Variants in FREM1 observed in about 807,000 individuals in gnomAD.
FREM1 encodes the protein FRAS1 related extracellular matrix 1.
In FREM1, 220 loss-of-function variants were observed where a neutral mutation model predicts 210.1. The ratio of observed to expected loss-of-function variants is 1.05; its 90% CI spans 0.94 to 1.17. The LOEUF is 1.17. Ranked by LOEUF, FREM1 falls within the 50% of genes most tolerant of loss-of-function variation. The probability of loss-of-function intolerance (pLI) is 0.00; values close to 1 mark genes in which losing one functional copy is unlikely to be tolerated. For synonymous variants in FREM1, 1,189 were observed against 980.2 expected, an observed-to-expected ratio of 1.21 and a Z score of -3.98; for missense variants, 3,454 against 2,675.5, an observed-to-expected ratio of 1.29 and a Z score of -6.42.
intron 24 of FREM1, 151 bp downstream of exon 24, chr9:14,784,219 A>T: frequency 3.1e-6 from 2 of 635,894 alleles, no homozygotes; most frequent in Non-Finnish European, 4.7e-6. Context: ...TAAAAAACAA[A>T]TTTCATTCTA....
intron 24 of FREM1, among the ~76,000 whole-genome samples, chr9:14,778,239 T>C (rs1848957534): frequency 6.6e-6 from 1 of 151,996 alleles, no homozygotes; most frequent in South Asian, 2.1e-4. Context: ...ATTAAACCTT[T>C]GATAAGTATA....
rs896321503 is a variant in FREM1 at position 14,909,937 on chromosome 9, A to G, written c.-291T>C. 6.6e-6 allele frequency: 1 copy of G among 152,242 alleles called. No individual in the cohort carries two copies. The highest frequency in any genetic ancestry group is 1.5e-5 in the Non-Finnish European group (1 of 68,046). The allele number at this position is 152,242 out of a possible 1,614,324, so 9.4% of individuals were successfully genotyped here. A position where few individuals can be genotyped will look rare whatever the true frequency, so the allele number is the denominator to read the frequency against. ...ACAGGTAGTGGTTTTCCTTTCCAAG[A>G]CAAAAAGTTAGAAACCCTTGGAACT... On this transcript the variant is annotated 5_prime_UTR_variant, in exon 1 of 37. Coordinates refer to ENST00000380880, the MANE Select transcript of FREM1 (RefSeq NM_001379081.2).
chr9:14,755,700 T>C (rs1280349737), intron 29 of FREM1, among the ~76,000 whole-genome samples: 1 of 152,240 alleles, frequency 6.6e-6, no homozygotes, highest in Non-Finnish European at 1.5e-5. Context: ...ATCTAAATGC[T>C]AAAATACTGC....
intron 15 of FREM1, among the ~76,000 whole-genome samples, chr9:14,814,240 T>C (rs1174062382): frequency 6.6e-6 from 1 of 152,208 alleles, no homozygotes; most frequent in Non-Finnish European, 1.5e-5. Flanking sequence ...TATAGAACCA[T>C]CTAAATTTTA....
At chr9:14,825,195 T>G (rs7042277) in intron 10 of FREM1, among the ~76,000 whole-genome samples, 6 of 152,020 alleles carry the variant, frequency 3.9e-5, no homozygotes, top group Non-Finnish European at 7.4e-5. Flanking sequence ...TTTAAGAATA[T>G]TATTATCACA....
At chr9:14,792,272 GCA>G (rs34037291) in intron 22 of FREM1, among the ~76,000 whole-genome samples, 26,550 of 142,190 alleles carry the variant, frequency 0.19, 2,800 homozygotes, top group South Asian at 0.34. Flanking sequence ...ACACACACAC[GCA>G]CACACACACA....
intron 19 of FREM1, among the ~76,000 whole-genome samples, chr9:14,803,346 T>G (rs1404796604): frequency 9.4e-6 from 1 of 106,044 alleles, no homozygotes; most frequent in African/African-American, 3.6e-5. Flanking sequence ...TCCTCCTTCC[T>G]TCCTTTCTTC....
At chr9:14,771,939 T>G (rs1847642285) in intron 25 of FREM1, among the ~76,000 whole-genome samples, 1 of 151,998 alleles carries the variant, frequency 6.6e-6, no homozygotes, top group Admixed American at 6.6e-5. Context: ...AAATATATAT[T>G]TATCTATACA....
At chr9:14,883,539 G>A (rs150572477) in intron 1 of FREM1, among the ~76,000 whole-genome samples, 2 of 152,190 alleles carry the variant, frequency 1.3e-5, no homozygotes, top group African/African-American at 2.4e-5. Flanking sequence ...GAATTCAGAC[G>A]AGCAGACCGA....
intron 1 of FREM1, among the ~76,000 whole-genome samples, chr9:14,871,354 G>A (rs1832637097): frequency 6.6e-6 from 1 of 152,284 alleles, no homozygotes; most frequent in Non-Finnish European, 1.5e-5. Context: ...ATTCTAACTG[G>A]TGTGAGATGG....
At chr9:14,767,648 A>T (rs1846677409) in intron 27 of FREM1, among the ~76,000 whole-genome samples, 1 of 152,204 alleles carries the variant, frequency 6.6e-6, no homozygotes, top group African/African-American at 2.4e-5. Context: ...TGGGAAGATG[A>T]ACCACTATTC....
At chr9:14,757,043 C>G (rs947356708) in intron 28 of FREM1, among the ~76,000 whole-genome samples, 1 of 150,258 alleles carries the variant, frequency 6.7e-6, no homozygotes, top group Non-Finnish European at 1.5e-5. Context: ...GGTGAACAAC[C>G]AGACAAAGGA....
At position 14,861,110 on chromosome 9, in the gene FREM1, C is replaced by CAT. The variant is rs375611094; in HGVS notation, c.330-1628_330-1627dup. Among the ~76,000 whole-genome samples the CAT allele has an allele frequency of 1.4e-3, 115 of 79,562 alleles. 4 individuals carry two copies. The highest frequency in any genetic ancestry group is 6.4e-3 in the East Asian group (7 of 1,096). The allele number at this position is 79,562 out of a possible 152,430, so 52.2% of individuals were successfully genotyped here. A position where few individuals can be genotyped will look rare whatever the true frequency, so the allele number is the denominator to read the frequency against. On this transcript the variant is annotated intron_variant, in intron 3 of 36. Transcript: ENST00000380880. ...ACACATATATATAAACATATATACA[C>CAT]ATATATATACATATATACACATATA...
intron 17 of FREM1, 89 bp from the exon 18 acceptor site, chr9:14,806,935 T>C: frequency 1.4e-6 from 1 of 720,828 alleles, no homozygotes; most frequent in Non-Finnish European, 2.1e-6. Context: ...GAAATTCTAG[T>C]TCAGAGAAGC....
chr9:14,870,754 T>G (rs1461377922), intron 1 of FREM1, among the ~76,000 whole-genome samples: 1 of 151,392 alleles, frequency 6.6e-6, no homozygotes, highest in East Asian at 2.0e-4. Flanking sequence ...GCTGCACCCA[T>G]TAACTCGTCA....
intron 23 of FREM1, among the ~76,000 whole-genome samples, chr9:14,787,478 G>A (rs898390568): frequency 6.6e-6 from 1 of 152,102 alleles, no homozygotes; most frequent in Non-Finnish European, 1.5e-5. Flanking sequence ...TTCTTCCTGG[G>A]TGCAAAGCTA....
chr9:14,851,314 G>A lies in FREM1; in HGVS notation c.1122C>T (p.Asn374=), dbSNP rs762521498. 1 of 1,602,430 alleles carries A rather than the reference G, an allele frequency of 6.2e-7. No individual in the cohort carries two copies. The highest frequency in any genetic ancestry group is 8.5e-7 in the Non-Finnish European group (1 of 1,172,960). ...CATGTCTCCTCTCAGAATGGCTGCTGTTTGGTGGCTGATAGGCGATCTGCA... is the reference window on the plus strand; with the variant it reads ...CATGTCTCCTCTCAGAATGGCTGCTATTTGGTGGCTGATAGGCGATCTGCA... ...SDMQIAYQPP[N]SSHSERRHDE... Residue 374 remains asparagine (N), a synonymous_variant, in exon 6 of 37, where the codon AAC becomes AAT. Coordinates refer to ENST00000380880, the MANE Select transcript of FREM1 (RefSeq NM_001379081.2).
chr9:14,910,946 G>A (rs898899628), upstream of FREM1: 1 of 152,204 alleles, frequency 6.6e-6, no homozygotes, highest in African/African-American at 2.4e-5. Flanking sequence ...ATCCTAAGGT[G>A]CTGTTTTTAA....
In FREM1 at chr9:14,835,968, G is replaced by GA. The variant is rs202125793; in HGVS notation, c.1881+5478dup. On this transcript the variant is annotated intron_variant, in intron 10 of 36. Transcript: ENST00000380880. ...GAATCAACTGGTGATCTGCAGCTTG[G>GA]AAAAAAGAAAAAAGGGACGGGTAAC... Among the ~76,000 whole-genome samples the GA allele has an allele frequency of 3.3e-4, 50 of 151,818 alleles. 1 individual carries two copies. In the East Asian group the frequency reaches 9.5e-3, roughly 29 times the overall value.
Sources: gnomAD v4.1 joint callset for allele counts (sites outside exome capture counted in the v4.1 genomes callset) on GRCh38, gnomAD v4.1.1 for gene constraint, MANE v1.5 for transcripts, NCBI Gene and HGNC (gene_info 2026-07-23, HGNC 2026-07-21) for gene names.